Variants in IGFBP3 observed in about 807,000 individuals in gnomAD.
The protein encoded by IGFBP3 is insulin-like growth factor-binding protein 3.
IGFBP3 carries 9 observed loss-of-function variants against 28.6 expected under a neutral mutation model. That is an observed-to-expected ratio of 0.31 (90% CI 0.19 to 0.55). The LOEUF is 0.55. IGFBP3 is among the 20% of genes least tolerant of loss of function. The pLI is 0.93. For synonymous variants in IGFBP3, 185 were observed against 188.2 expected (o/e 0.98, Z 0.14); for missense variants, 382 against 428.9 (o/e 0.89, Z 0.97).
At chr7:45,917,487 T>C in intron 1 of IGFBP3, 48 bp from the exon 2 acceptor site, 1 of 1,436,178 alleles carries the variant, frequency 7.0e-7, no homozygotes. Context: ...TCAATATCTA[T>C]CACAGTCTTT....
chr7:45,917,395 C>G lies in IGFBP3; in HGVS notation c.448G>C (p.Glu150Gln). 2.5e-6 allele frequency: 4 copies of G among 1,613,912 alleles called. No homozygotes were observed. The highest frequency in any genetic ancestry group is 3.4e-6 in the Non-Finnish European group (4 of 1,179,966). ...TGCGTGCTGGAGACGGACGGGCTCT[C>G]CACACTGCCGGCGCTGCGGTCTTCC... ...SEEDRSAGSV[E>Q]SPSVSSTHRV... The change falls in exon 2 of 5, where the codon GAG (glutamate) becomes CAG (glutamine). Residue 150 changes from glutamate (E) to glutamine (Q), a missense_variant. Physicochemically the swap from Glu to Gln is conservative, Grantham distance 29. Transcript: ENST00000613132.
Position 45,920,902 on chromosome 7 carries a change from G to T in IGFBP3, c.239C>A (p.Pro80Gln). The change falls in exon 1 of 5, where the codon CCG (proline) becomes CAG (glutamine). Residue 80 changes from proline to glutamine, a missense_variant. By Grantham distance (76) the Pro-to-Gln change is moderately conservative (BLOSUM62 -1). Coordinates refer to ENST00000613132, the MANE Select transcript of IGFBP3 (RefSeq NM_000598.5). ...CLTCALSEGQ[P>Q]CGIYTERCGS... ...ACAGCGCTCGGTGTAGATGCCGCAC[G>T]GCTGGCCCTCGCTCAGTGCGCACGT... The T allele has an allele frequency of 7.0e-7, 1 of 1,436,072 alleles. No homozygotes were observed. The highest frequency in any genetic ancestry group is 9.1e-7 in the Non-Finnish European group (1 of 1,102,018). The allele number at this position is 1,436,072 out of a possible 1,614,324, so 89.0% of individuals were successfully genotyped here.
chr7:45,920,784 G>A lies in IGFBP3; in HGVS notation c.357C>T (p.Ala119=), dbSNP rs751188194. The change falls in exon 1 of 5, where the codon GCC becomes GCT. Residue 119 remains alanine, a synonymous_variant. Coordinates refer to ENST00000613132, the MANE Select transcript of IGFBP3 (RefSeq NM_000598.5). ...GCAGGTAGGCGCGCAGGCGGCTGAC[G>A]GCACTAGCGTTGACGCAGAGCCCGC... The part of the protein sequence containing the change: ...DGRGLCVNAS[A]VSRLRAYLLP... 4.9e-5 allele frequency: 70 copies of A among 1,419,862 alleles called. No individual in the cohort carries two copies. Among genetic ancestry groups the A allele is most frequent in the South Asian group, 5.9e-5 (4 of 67,726 alleles). 88.0% of individuals were successfully genotyped at this position (1,419,862 alleles called of 1,614,324 possible).
Position 45,916,624 on chromosome 7 carries a change from T to G in IGFBP3, c.674A>C (p.Lys225Thr), listed in dbSNP as rs746297053. 6.2e-7 allele frequency: 1 copy of G among 1,613,426 alleles called. No homozygotes were observed. The highest frequency in any genetic ancestry group is 2.2e-5 in the East Asian group (1 of 44,862). The change falls in exon 3 of 5, where the codon AAG (lysine) becomes ACG (threonine). Residue 225 changes from lysine (K) to threonine (T), a missense_variant. Coordinates refer to ENST00000613132, the MANE Select transcript of IGFBP3 (RefSeq NM_000598.5). ...CCTGGGACTCAGCACATTGAGGAACTTCAGGTGATTCAGTGTGTCTTCCAT... is the reference window on the plus strand; with the variant it reads ...CCTGGGACTCAGCACATTGAGGAACGTCAGGTGATTCAGTGTGTCTTCCAT... ...REMEDTLNHL[K>T]FLNVLSPRGV...
At chr7:45,915,049 G>A (rs970467464) in intron 3 of IGFBP3, 104 bp from the exon 4 acceptor site, 34 of 1,361,448 alleles carry the variant, frequency 2.5e-5, no homozygotes, top group Non-Finnish European at 3.2e-5. Context: ...CTGCTATGCT[G>A]AGAAAGCACA....
chr7:45,919,174 C>T (rs557052546), intron 1 of IGFBP3, among the ~76,000 whole-genome samples: 4 of 152,226 alleles, frequency 2.6e-5, no homozygotes, highest in South Asian at 2.1e-4. Context: ...TTTTGACTGT[C>T]GAAAATTTAC....
Position 45,921,159 on chromosome 7 carries a change from A to G in IGFBP3, c.-19T>C. ...GCTGCATGACGCCTGCAACCGGGGC[A>G]CGCTGCTTGGCAGGCTGGGCGCGCA... On this transcript the variant is annotated 5_prime_UTR_variant, in exon 1 of 5. Transcript: ENST00000613132. The G allele has an allele frequency of 6.7e-7, 1 of 1,503,300 alleles. No homozygotes were observed. Among genetic ancestry groups the G allele is most frequent in the Non-Finnish European group, 8.8e-7 (1 of 1,130,966 alleles). The allele number at this position is 1,503,300 out of a possible 1,614,324, so 93.1% of individuals were successfully genotyped here. A position where few individuals can be genotyped will look rare whatever the true frequency, so the allele number is the denominator to read the frequency against.
At chr7:45,917,159 A>T in intron 2 of IGFBP3, 54 bp downstream of exon 2, 1 of 1,438,818 alleles carries the variant, frequency 7.0e-7, no homozygotes, top group Non-Finnish European at 9.8e-7. Context: ...GGCTCTGAGT[A>T]CCCAGGCTTG....
rs1417395317 is a variant in IGFBP3, at chr7:45,917,434, C to T, written c.409G>A (p.Ala137Thr). ...CTGCGGTCTTCCTCCGACTCACTAG[C>T]ATTTCCTTAAAACGCCCAAGAGAGA... ...LLPAPPAPGN[A>T]SESEEDRSAG... is the part of the protein sequence containing the mutation. The change falls in exon 2 of 5, where the codon GCT becomes ACT. Residue 137 changes from alanine to threonine, a missense_variant. Ala to Thr is a moderately conservative substitution (Grantham distance 58). Coordinates refer to ENST00000613132, the MANE Select transcript of IGFBP3 (RefSeq NM_000598.5). The T allele has an allele frequency of 6.2e-7, 1 of 1,607,150 alleles. No homozygotes were observed. The highest frequency in any genetic ancestry group is 8.5e-7 in the Non-Finnish European group (1 of 1,176,002).
intron 4 of IGFBP3, 33 bp downstream of exon 4, chr7:45,914,772 T>C: frequency 1.2e-6 from 2 of 1,606,156 alleles, no homozygotes; most frequent in Non-Finnish European, 1.7e-6. Context: ...AGTGAGGCCC[T>C]GGAGCCCCAG....
At position 45,920,930 on chromosome 7, in the gene IGFBP3, G is replaced by T; in HGVS notation, c.211C>A (p.Leu71Met). 7.1e-7 allele frequency: 1 copy of T among 1,408,942 alleles called. No homozygotes were observed. The highest frequency in any genetic ancestry group is 1.5e-5 in the South Asian group (1 of 66,704). The allele number at this position is 1,408,942 out of a possible 1,614,324, so 87.3% of individuals were successfully genotyped here. A position where few individuals can be genotyped will look rare whatever the true frequency, so the allele number is the denominator to read the frequency against. Reference protein sequence around the residue: ...LVREPGCGCCLTCALSEGQPC... With the variant: ...LVREPGCGCCMTCALSEGQPC... ...TGGCCCTCGCTCAGTGCGCACGTCA[G>T]GCAGCAGCCGCAGCCCGGCTCGCGC... Residue 71 changes from leucine (L) to methionine (M), a missense_variant, in exon 1 of 5, where the codon CTG (leucine) becomes ATG (methionine). Transcript: ENST00000613132.
rs950133149 is a variant in IGFBP3 at position 45,921,106 on chromosome 7, G to C, written c.35C>G (p.Ala12Gly). ...QRARPTLWAAALTLLVLLRGP... is the reference protein window; with the variant it reads ...QRARPTLWAAGLTLLVLLRGP... ...GCGGAGCAGCACCAGCAGAGTCAGC[G>C]CAGCGGCCCAGAGCGTGGGTCGCGC... Residue 12 changes from alanine to glycine, a missense_variant, in exon 1 of 5, where the codon GCG becomes GGG. Coordinates refer to ENST00000613132, the MANE Select transcript of IGFBP3 (RefSeq NM_000598.5). The C allele has an allele frequency of 6.7e-6, 10 of 1,488,848 alleles. No homozygotes were observed. Among genetic ancestry groups the C allele is most frequent in the African/African-American group, 2.9e-5 (2 of 68,218 alleles). The allele number at this position is 1,488,848 out of a possible 1,614,324, so 92.2% of individuals were successfully genotyped here. A position where few individuals can be genotyped will look rare whatever the true frequency, so the allele number is the denominator to read the frequency against.
Position 45,912,293 on chromosome 7 carries a change from T to C in IGFBP3, c.*1557A>G, listed in dbSNP as rs1219937173. On this transcript the variant is annotated 3_prime_UTR_variant, in exon 5 of 5. Coordinates refer to ENST00000613132, the MANE Select transcript of IGFBP3 (RefSeq NM_000598.5). Reference sequence around the variant, plus strand: ...TTATAATAAAATAATTATTATATAATAAAATAAAATAATTAGTGATACAAA... The same window carrying C: ...TTATAATAAAATAATTATTATATAACAAAATAAAATAATTAGTGATACAAA... 1 of 150,558 alleles carries C rather than the reference T, an allele frequency of 6.6e-6. No individual in the cohort carries two copies. Among genetic ancestry groups the C allele is most frequent in the Non-Finnish European group, 1.5e-5 (1 of 67,732 alleles). The allele number at this position is 150,558 out of a possible 1,614,324, so 9.3% of individuals were successfully genotyped here.
At chr7:45,916,938 T>G (rs1784616442) in intron 2 of IGFBP3, 1 of 563,026 alleles carries the variant, frequency 1.8e-6, no homozygotes, top group African/African-American at 1.9e-5. Context: ...TAAAACTATC[T>G]TTATGAGAAT....
In IGFBP3 at chr7:45,921,263, G is replaced by A. The variant is rs1221150270; in HGVS notation, c.-123C>T. The A allele has an allele frequency of 2.5e-6, 3 of 1,205,838 alleles. No homozygotes were observed. Among genetic ancestry groups the A allele is most frequent in the African/African-American group, 1.6e-5 (1 of 62,760 alleles). 74.7% of individuals were successfully genotyped at this position (1,205,838 alleles called of 1,614,324 possible). ...CTGATCCTCAGCGCCCAGCCGCAGTGCTCGCATCTGGGCGGCCCGGGCGCG... is the reference window on the plus strand; with the variant it reads ...CTGATCCTCAGCGCCCAGCCGCAGTACTCGCATCTGGGCGGCCCGGGCGCG... On this transcript the variant is annotated 5_prime_UTR_variant, in exon 1 of 5. Transcript: ENST00000613132.
At chr7:45,915,084 CAA>C in intron 3 of IGFBP3, 139 bp from the exon 4 acceptor site, 4 of 1,002,472 alleles carry the variant, frequency 4.0e-6, no homozygotes, top group Non-Finnish European at 5.9e-6. Context: ...TAAGGCAACA[CAA>C]GAGCCATGCG....
chr7:45,916,884 T>A, intron 2 of IGFBP3: 1 of 566,114 alleles, frequency 1.8e-6, no homozygotes. Context: ...CAGAAGCTGG[T>A]ATGGAACCAA....
chr7:45,919,101 C>T (rs1000074147), intron 1 of IGFBP3, among the ~76,000 whole-genome samples: 2 of 152,156 alleles, frequency 1.3e-5, no homozygotes, highest in Non-Finnish European at 2.9e-5. Context: ...CTTCTTAATG[C>T]CTGGGCTGCA....
chr7:45,919,546 C>T (rs34988007), intron 1 of IGFBP3, among the ~76,000 whole-genome samples: 158 of 152,308 alleles, frequency 1.0e-3, no homozygotes, highest in Admixed American at 2.4e-3. Context: ...GGGCGTGGAA[C>T]TCTACAGCTA....
Sources: gnomAD v4.1 joint callset for allele counts (sites outside exome capture counted in the v4.1 genomes callset) on GRCh38, gnomAD v4.1.1 for gene constraint, MANE v1.5 for transcripts, NCBI Gene and HGNC (gene_info 2026-07-23, HGNC 2026-07-21) for gene names.